The following EDNRB variants were observed in gnomAD, a reference collection of about 807,000 sequenced individuals.
The protein encoded by EDNRB is Hirschsprung disease 2.
Under a neutral mutation model 46.4 loss-of-function variants are expected in EDNRB, and 18 were observed. That is an observed-to-expected ratio of 0.39 (90% CI 0.27 to 0.57). The LOEUF (loss-of-function observed/expected upper bound fraction) is 0.57. EDNRB is among the 20% of genes least tolerant of loss of function. The probability of loss-of-function intolerance (pLI) is 0.61; values close to 1 mark genes in which losing one functional copy is unlikely to be tolerated. For synonymous variants in EDNRB, 213 were observed against 204.9 expected (o/e 1.04, Z -0.34); for missense variants, 434 against 537.5 (o/e 0.81, Z 1.90).
chr13:77,970,232 A>C (rs1055408251), intron 1 of EDNRB, among the ~76,000 whole-genome samples: 2 of 152,244 alleles, frequency 1.3e-5, no homozygotes, highest in South Asian at 4.1e-4. Flanking sequence ...CCAGTATAAC[A>C]TAAGAAATGT....
At chr13:77,905,085 T>C (rs781630300) in intron 1 of EDNRB, among the ~76,000 whole-genome samples, 16 of 151,968 alleles carry the variant, frequency 1.1e-4, no homozygotes, top group Non-Finnish European at 2.4e-4. Flanking sequence ...TTATCATATA[T>C]ATGCTTAATG....
Position 77,898,229 on chromosome 13 carries a change from G to T in EDNRB, c.1300C>A (p.Arg434Ser), listed in dbSNP as rs750396591. Reference protein sequence around the residue: ...KANDHGYDNFRSSNKYSSS With the variant: ...KANDHGYDNFSSSNKYSSS ...GATGAGCTGTATTTATTACTGGAACGGAAGTTGTCATATCCGTGATCATTA... is the reference window on the plus strand; with the variant it reads ...GATGAGCTGTATTTATTACTGGAACTGAAGTTGTCATATCCGTGATCATTA... Residue 434 changes from arginine (R) to serine (S), a missense_variant, in exon 7 of 7, where the codon CGT becomes AGT. Transcript: ENST00000646607. 1 of 1,611,940 alleles carries T rather than the reference G, an allele frequency of 6.2e-7. No homozygotes were observed. Among genetic ancestry groups the T allele is most frequent in the South Asian group, 1.1e-5 (1 of 91,046 alleles).
chr13:77,905,247 C>A (rs928870399), intron 1 of EDNRB, among the ~76,000 whole-genome samples: 1 of 151,838 alleles, frequency 6.6e-6, no homozygotes, highest in East Asian at 1.9e-4. Flanking sequence ...TAGTAGACAT[C>A]ACATACTTTT....
At position 77,895,561 on chromosome 13, in the gene EDNRB, C is replaced by T. The variant is rs1363015444; in HGVS notation, c.*2639G>A. ...TTGTATATTTAACATAAATAATGTC[C>T]ACTTGTCACATTTATATTTCTTTTA... is the stretch of plus-strand genomic sequence containing the variant. On this transcript the variant is annotated 3_prime_UTR_variant, in exon 7 of 7. Coordinates refer to ENST00000646607, the MANE Select transcript of EDNRB (RefSeq NM_001122659.3). 1 of 151,866 alleles carries T rather than the reference C, an allele frequency of 6.6e-6. No individual in the cohort carries two copies. The highest frequency in any genetic ancestry group is 2.4e-5 in the African/African-American group (1 of 41,356). 9.4% of individuals were successfully genotyped at this position (151,866 alleles called of 1,614,324 possible).
At chr13:77,915,176 A>T (rs1879748363) in intron 1 of EDNRB, among the ~76,000 whole-genome samples, 1 of 152,170 alleles carries the variant, frequency 6.6e-6, no homozygotes, top group Non-Finnish European at 1.5e-5. Flanking sequence ...ACGTTGCCAC[A>T]ATTATTTAGG....
chr13:77,922,024 A>G (rs905630198), upstream of EDNRB, among the ~76,000 whole-genome samples: 3 of 152,146 alleles, frequency 2.0e-5, no homozygotes, highest in African/African-American at 4.8e-5. Context: ...GCAACTAACT[A>G]CTATGTAAAT....
chr13:77,919,140 C>T (rs767918743), upstream of EDNRB: 5 of 522,252 alleles, frequency 9.6e-6, no homozygotes, highest in Non-Finnish European at 1.6e-5. Context: ...CTACAGCTCC[C>T]GCAGCGCGCC....
chr13:77,897,068 T>G lies in EDNRB; in HGVS notation c.*1132A>C, dbSNP rs571029520. ...AAAAATAGTATTTTAACTATAGCAT[T>G]ATACATATGCTAGAAACCATTTTAA... is the stretch of plus-strand genomic sequence containing the variant. On this transcript the variant is annotated 3_prime_UTR_variant, in exon 7 of 7. Transcript: ENST00000646607. 3 of 986,126 alleles carry G rather than the reference T, an allele frequency of 3.0e-6. No homozygotes were observed. The African/African-American group carries it at 5.2e-5, about 17-fold the overall frequency. 61.1% of individuals were successfully genotyped at this position (986,126 alleles called of 1,614,324 possible). A position where few individuals can be genotyped will look rare whatever the true frequency, so the allele number is the denominator to read the frequency against.
intron 6 of EDNRB, among the ~76,000 whole-genome samples, chr13:77,898,756 T>C (rs919475367): frequency 7.2e-5 from 11 of 151,982 alleles, no homozygotes; most frequent in Non-Finnish European, 1.3e-4. Flanking sequence ...CTGTACTGTA[T>C]GTATACTCCA....
intron 1 of EDNRB, among the ~76,000 whole-genome samples, chr13:77,968,679 A>G (rs951078776): frequency 1.3e-5 from 2 of 152,142 alleles, no homozygotes; most frequent in South Asian, 4.1e-4. Context: ...GGGGTAGGTA[A>G]CAACATGTTC....
intron 1 of EDNRB, among the ~76,000 whole-genome samples, chr13:77,925,040 A>G (rs185452564): frequency 6.6e-6 from 1 of 152,316 alleles, no homozygotes; most frequent in East Asian, 1.9e-4. Flanking sequence ...TAACACAAAG[A>G]ACAACTCCCC....
Position 77,973,727 on chromosome 13 carries a change from C to T in EDNRB, c.-52+1620G>A, listed in dbSNP as rs553468835. ...CTTTAATAGTTTTACATTTAGGAGG[C>T]CTAATTACTTTTAAACTAGACAACA... On this transcript the variant is annotated intron_variant, in intron 1 of 7. Transcript: ENST00000646948. 1.6e-4 allele frequency among the ~76,000 whole-genome samples: 24 copies of T among 152,056 alleles called. No homozygotes were observed. In the South Asian group the frequency reaches 4.4e-3, roughly 28 times the overall value.
intron 1 of EDNRB, among the ~76,000 whole-genome samples, chr13:77,934,679 AGG>A (rs61163800): frequency 0.021 from 2,683 of 127,452 alleles, 74 homozygotes; most frequent in African/African-American, 0.063. Flanking sequence ...TGTGTAGGAA[AGG>A]GGGGGGGGGG....
chr13:77,907,091 T>C (rs529476358), intron 1 of EDNRB, among the ~76,000 whole-genome samples: 1 of 152,182 alleles, frequency 6.6e-6, no homozygotes, highest in South Asian at 2.1e-4. Context: ...CAAAATCTTC[T>C]GCTCACCTAG....
chr13:77,899,704 G>GC (rs1403008838), intron 6 of EDNRB, 155 bp downstream of exon 6: 6 of 640,884 alleles, frequency 9.4e-6, no homozygotes, highest in Non-Finnish European at 1.3e-5. Context: ...TGATTTACAA[G>GC]CAAAAGTTGT....
intron 1 of EDNRB, among the ~76,000 whole-genome samples, chr13:77,907,069 C>T (rs1879318499): frequency 2.0e-5 from 3 of 151,928 alleles, no homozygotes; most frequent in Admixed American, 1.3e-4. Flanking sequence ...AGTAAAATAT[C>T]TAGATGCAGA....
At chr13:77,908,243 A>G (rs1319838377) in intron 1 of EDNRB, among the ~76,000 whole-genome samples, 2 of 151,888 alleles carry the variant, frequency 1.3e-5, no homozygotes, top group Non-Finnish European at 2.9e-5. Context: ...TGCCTCACTG[A>G]TCAGAAGGCT....
intron 1 of EDNRB, among the ~76,000 whole-genome samples, chr13:77,934,419 C>T (rs1213044039): frequency 6.6e-6 from 1 of 152,110 alleles, no homozygotes; most frequent in Non-Finnish European, 1.5e-5. Flanking sequence ...TGAAAAACTG[C>T]TTGGCTGATT....
chr13:77,916,633 A>C (rs548288986), intron 1 of EDNRB, among the ~76,000 whole-genome samples: 1 of 152,206 alleles, frequency 6.6e-6, no homozygotes, highest in Non-Finnish European at 1.5e-5. Flanking sequence ...AGATTTATGA[A>C]GGGAAATTTA....
Sources: allele counts gnomAD v4.1 joint callset (sites outside exome capture counted in the v4.1 genomes callset), GRCh38; gene constraint gnomAD v4.1.1; transcripts MANE v1.5; gene names NCBI Gene and HGNC (gene_info 2026-07-23, HGNC 2026-07-21).